The following GRB2 variants were observed in gnomAD, a reference collection of about 807,000 sequenced individuals.
The protein encoded by GRB2 is growth factor receptor bound protein 2.
In GRB2, 2 loss-of-function variants were observed where a neutral mutation model predicts 27.4. That is an observed-to-expected ratio of 0.07 (90% CI 0.03 to 0.23). The LOEUF is 0.23. Ranked by LOEUF, GRB2 falls within the 10% of genes least tolerant of loss-of-function variation. GRB2 has a pLI of 1.00. For missense variants in GRB2, 102 were observed against 282.4 expected, an observed-to-expected ratio of 0.36 and a Z score of 4.58; for synonymous variants, 94 against 99.6, an observed-to-expected ratio of 0.94 and a Z score of 0.33.
chr17:75,388,245 C>A (rs1297732383), intron 2 of GRB2, among the ~76,000 whole-genome samples: 3 of 151,628 alleles, frequency 2.0e-5, no homozygotes, highest in African/African-American at 7.3e-5. Flanking sequence ...TACAGGTACG[C>A]ACGCGCACCA....
At chr17:75,351,284 C>G (rs1326250524) in intron 2 of GRB2, among the ~76,000 whole-genome samples, 2 of 152,108 alleles carry the variant, frequency 1.3e-5, no homozygotes, top group Non-Finnish European at 2.9e-5. Context: ...ACAGGGTGCA[C>G]AGGACCACAC....
intron 2 of GRB2, among the ~76,000 whole-genome samples, chr17:75,385,365 T>C (rs886373746): frequency 2.0e-5 from 3 of 151,938 alleles, no homozygotes; most frequent in Non-Finnish European, 2.9e-5. Context: ...GGTGAAACAC[T>C]GTCTCTACTA....
intron 2 of GRB2, among the ~76,000 whole-genome samples, chr17:75,351,460 G>C (rs2078691651): frequency 6.6e-6 from 1 of 152,102 alleles, no homozygotes; most frequent in South Asian, 2.1e-4. Context: ...ACTAGGCTGA[G>C]GGATATAGCC....
chr17:75,380,476 T>C (rs2145862377), intron 2 of GRB2, among the ~76,000 whole-genome samples: 1 of 152,282 alleles, frequency 6.6e-6, no homozygotes, highest in Middle Eastern at 3.4e-3. Context: ...TTGCAGTATA[T>C]GTGAGTAAGG....
intron 1 of GRB2, among the ~76,000 whole-genome samples, chr17:75,395,230 T>C (rs922942065): frequency 1.3e-5 from 2 of 152,046 alleles, no homozygotes; most frequent in Non-Finnish European, 2.9e-5. Context: ...ATAAATCGTC[T>C]GACAATGAGT....
At chr17:75,372,886 C>G (rs1033916593) in intron 2 of GRB2, 1 of 152,154 alleles carries the variant, frequency 6.6e-6, no homozygotes, top group African/African-American at 2.4e-5. Flanking sequence ...CACAGAAACA[C>G]CAATTTATAA....
intron 2 of GRB2, among the ~76,000 whole-genome samples, chr17:75,338,449 C>T (rs2078596561): frequency 6.6e-6 from 1 of 152,170 alleles, no homozygotes; most frequent in Admixed American, 6.5e-5. Context: ...TTATTCACTC[C>T]CTCTGCACAA....
Position 75,318,603 on chromosome 17 carries a change from C to G in GRB2, c.*1765G>C, listed in dbSNP as rs2078432993. 6.6e-6 allele frequency: 1 copy of G among 152,294 alleles called. No individual in the cohort carries two copies. The highest frequency in any genetic ancestry group is 6.5e-5 in the Admixed American group (1 of 15,274). 9.4% of individuals were successfully genotyped at this position (152,294 alleles called of 1,614,324 possible). ...GAGAAGACAGAGAGTTCTGCCGAGGCCTTGGTCTTCCTGTCTTTCCAATCT... is the reference window on the plus strand; with the variant it reads ...GAGAAGACAGAGAGTTCTGCCGAGGGCTTGGTCTTCCTGTCTTTCCAATCT... On this transcript the variant is annotated 3_prime_UTR_variant, in exon 6 of 6. Transcript: ENST00000316804.
intron 4 of GRB2, 76 bp from the exon 5 acceptor site, chr17:75,321,903 C>A (rs2145817544): frequency 7.1e-7 from 1 of 1,408,866 alleles, no homozygotes; most frequent in South Asian, 1.2e-5. Flanking sequence ...CATATAGGAG[C>A]TATCTCGAGA....
intron 2 of GRB2, among the ~76,000 whole-genome samples, chr17:75,361,285 C>T (rs942289174): frequency 3.9e-5 from 6 of 152,090 alleles, no homozygotes; most frequent in East Asian, 1.9e-4. Flanking sequence ...AAACATTTTG[C>T]GAACCTGTCT....
At chr17:75,338,831 T>G in intron 2 of GRB2, 1 of 761,556 alleles carries the variant, frequency 1.3e-6, no homozygotes, top group Non-Finnish European at 2.4e-6. Context: ...ACGCAAATGG[T>G]CAACTTTCCT....
rs767194304 is a variant in GRB2, at chr17:75,324,507, GTTTTTTTTTTTTTT to G, written c.299+1377_299+1390del. On this transcript the variant is annotated intron_variant, in intron 4 of 5. Transcript: ENST00000316804. ...TTACAGGTGTGAGCCACCGCACCCA[GTTTTTTTTTTTTTT>G]TTTTTTTTTTTTTTGGAGACAGAGT... Among the ~76,000 whole-genome samples, 128 of 36,700 alleles carry G rather than the reference GTTTTTTTTTTTTTT, an allele frequency of 3.5e-3. 2 individuals are homozygous for G. Among genetic ancestry groups the G allele is most frequent in the Middle Eastern group, 0.013 (1 of 76 alleles). The allele number at this position is 36,700 out of a possible 152,430, so 24.1% of individuals were successfully genotyped here.
At chr17:75,322,389 A>G (rs1598215244) in intron 4 of GRB2, among the ~76,000 whole-genome samples, 1 of 151,526 alleles carries the variant, frequency 6.6e-6, no homozygotes, top group East Asian at 1.9e-4. Context: ...AAAAAAAAAA[A>G]GAGTCCATGT....
chr17:75,376,598 C>T (rs952607042), intron 2 of GRB2, among the ~76,000 whole-genome samples: 1 of 151,080 alleles, frequency 6.6e-6, no homozygotes, highest in Admixed American at 6.6e-5. Context: ...GCCTGTATAA[C>T]ATAATTTGTA....
chr17:75,326,322 T>C (rs2078498554), intron 3 of GRB2: 1 of 354,294 alleles, frequency 2.8e-6, no homozygotes, highest in African/African-American at 2.1e-5. Flanking sequence ...CTGGACTCCC[T>C]ACTGACTCAT....
At chr17:75,321,886 G>A in intron 4 of GRB2, 59 bp from the exon 5 acceptor site, 4 of 1,542,270 alleles carry the variant, frequency 2.6e-6, no homozygotes, top group Non-Finnish European at 3.5e-6. Context: ...CAAATCGAGG[G>A]TATTTCCATA....
chr17:75,380,566 T>TA (rs2078921646), intron 2 of GRB2, among the ~76,000 whole-genome samples: 1 of 152,184 alleles, frequency 6.6e-6, no homozygotes, highest in Admixed American at 6.5e-5. Context: ...ATTTGCAGCA[T>TA]AAACTAAACA....
intron 1 of GRB2, among the ~76,000 whole-genome samples, chr17:75,396,727 CCTA>C (rs2079031284): frequency 6.6e-6 from 1 of 152,154 alleles, no homozygotes; most frequent in South Asian, 2.1e-4. Context: ...CAAAATCTCT[CCTA>C]CTATCAAGAT....
rs2078591793 is a variant in GRB2 at position 75,337,924 on chromosome 17, ATTAT to A, written c.79-5131_79-5128del. 2.1e-5 allele frequency among the ~76,000 whole-genome samples: 3 copies of A among 143,926 alleles called. No individual in the cohort carries two copies. In the East Asian group the frequency reaches 6.1e-4, roughly 29 times the overall value. The allele number at this position is 143,926 out of a possible 152,430, so 94.4% of individuals were successfully genotyped here. A position where few individuals can be genotyped will look rare whatever the true frequency, so the allele number is the denominator to read the frequency against. ...TACTATTATTATTATTATTATTATT[ATTAT>A]TATTATTATTATTATTTATTGAGAC... is the stretch of plus-strand genomic sequence containing the variant. On this transcript the variant is annotated intron_variant, in intron 2 of 5. Coordinates refer to ENST00000316804, the MANE Select transcript of GRB2 (RefSeq NM_002086.5).
Sources: gnomAD v4.1 joint callset for allele counts (sites outside exome capture counted in the v4.1 genomes callset) on GRCh38, gnomAD v4.1.1 for gene constraint, MANE v1.5 for transcripts, NCBI Gene and HGNC (gene_info 2026-07-23, HGNC 2026-07-21) for gene names.